GANC: variants seen among roughly 807,000 people sequenced by gnomAD.
GANC encodes the protein glucosidase alpha, neutral C.
In GANC, 117 loss-of-function variants were observed where a neutral mutation model predicts 124.2. The ratio of observed to expected loss-of-function variants is 0.94; its 90% CI spans 0.81 to 1.10. The LOEUF is 1.10. GANC is among the 50% of genes least tolerant of loss of function. GANC has a pLI of 0.00. For missense variants in GANC, 1,140 were observed against 1,095.0 expected (o/e 1.04, Z -0.58); for synonymous variants, 377 against 376.8 (o/e 1.00, Z -0.01).
In GANC at chr15:42,292,924, T is replaced by G. The variant is rs1566951131; in HGVS notation, c.512+7T>G. ...AGATTCTTCACAAACAAAGGTATTC[T>G]TATGCATTACTTGACACATAAAGAC... On this transcript the variant is annotated splice_region_variant and intron_variant, in intron 5 of 23. Coordinates refer to ENST00000318010, the MANE Select transcript of GANC (RefSeq NM_198141.3). 5 of 1,612,628 alleles carry G rather than the reference T, an allele frequency of 3.1e-6. No individual in the cohort carries two copies. The South Asian group carries it at 5.5e-5, about 18-fold the overall frequency.
chr15:42,343,202 C>T (rs755131487), intron 19 of GANC, 48 bp downstream of exon 19: 5 of 1,489,014 alleles, frequency 3.4e-6, no homozygotes, highest in African/African-American at 1.4e-5. Context: ...TATCTCTCAT[C>T]CCTTCTTTTC....
At chr15:42,277,761 C>T (rs375225615) in intron 2 of GANC, among the ~76,000 whole-genome samples, 7 of 151,248 alleles carry the variant, frequency 4.6e-5, no homozygotes, top group African/African-American at 2.4e-5. Flanking sequence ...CCACCACGCC[C>T]GGCTAATTTT....
At chr15:42,289,090 C>T (rs901595828) in intron 4 of GANC, among the ~76,000 whole-genome samples, 2 of 152,154 alleles carry the variant, frequency 1.3e-5, no homozygotes, top group Non-Finnish European at 2.9e-5. Context: ...GTACTGAGTT[C>T]TTTCTAGAGG....
At chr15:42,351,290 C>G (rs952013478) in intron 22 of GANC, 39 bp from the exon 23 acceptor site, 4 of 1,489,974 alleles carry the variant, frequency 2.7e-6, no homozygotes, top group Admixed American at 3.4e-5. Context: ...CTTCAAACCC[C>G]CATCCCTCTC....
chr15:42,287,605 A>G, intron 3 of GANC, 86 bp from the exon 4 acceptor site: 1 of 1,439,820 alleles, frequency 6.9e-7, no homozygotes, highest in Non-Finnish European at 9.4e-7. Flanking sequence ...AATTGAAACA[A>G]ATACTTTCCT....
chr15:42,285,669 C>T (rs2051780042), intron 3 of GANC, among the ~76,000 whole-genome samples: 1 of 152,126 alleles, frequency 6.6e-6, no homozygotes, highest in South Asian at 2.1e-4. Flanking sequence ...ATGGCACGCA[C>T]CTGTAATTCC....
At chr15:42,278,807 A>G (rs1441989729) in intron 3 of GANC, among the ~76,000 whole-genome samples, 1 of 152,188 alleles carries the variant, frequency 6.6e-6, no homozygotes, top group African/African-American at 2.4e-5. Context: ...CAGCCTGGGT[A>G]ACATGGCGAA....
chr15:42,276,925 T>G (rs1031603012), intron 2 of GANC, among the ~76,000 whole-genome samples: 1 of 152,202 alleles, frequency 6.6e-6, no homozygotes, highest in South Asian at 2.1e-4. Context: ...GAAATTCATA[T>G]GAGTGCATGG....
rs571402636 is a variant in GANC at position 42,291,521 on chromosome 15, A to AC, written c.330-1209dup. 2.6e-3 allele frequency among the ~76,000 whole-genome samples: 402 copies of AC among 152,006 alleles called. 1 individual carries two copies. The highest frequency in any genetic ancestry group is 9.4e-3 in the African/African-American group (389 of 41,480). ...TGTTCCCCACGAGAATCCAGAACATACCCCCTTCACTGAGAAACTGATGAG... is the reference window on the plus strand; with the variant it reads ...TGTTCCCCACGAGAATCCAGAACATACCCCCCTTCACTGAGAAACTGATGAG... On this transcript the variant is annotated intron_variant, in intron 4 of 23. Coordinates refer to ENST00000318010, the MANE Select transcript of GANC (RefSeq NM_198141.3).
At chr15:42,278,374 T>G (rs1256669868) in intron 2 of GANC, 108 bp from the exon 3 acceptor site, 2 of 704,926 alleles carry the variant, frequency 2.8e-6, no homozygotes, top group African/African-American at 3.5e-5. Context: ...GCCCTGAAAT[T>G]CACTGAATAT....
chr15:42,329,629 G>T, intron 14 of GANC, 180 bp downstream of exon 14: 1 of 461,280 alleles, frequency 2.2e-6, no homozygotes, highest in Non-Finnish European at 3.7e-6. Context: ...TTCTCCCTTT[G>T]CTTCTTTTCT....
intron 6 of GANC, among the ~76,000 whole-genome samples, chr15:42,305,683 G>A (rs931118930): frequency 2.0e-5 from 3 of 152,104 alleles, no homozygotes; most frequent in Non-Finnish European, 4.4e-5. Flanking sequence ...GCAAAGACTT[G>A]GAACCAACTC....
rs775435523 is a variant in GANC, at chr15:42,287,723, A to G, written c.234A>G (p.Glu78=). ...VPLLAEIYGI[E]GNIFRLKINE... Reference sequence around the variant, plus strand: ...TCCTGGCTGAAATTTATGGTATAGAAGGAAACATTTTCAGGCTTAAAATTA... The same window carrying G: ...TCCTGGCTGAAATTTATGGTATAGAGGGAAACATTTTCAGGCTTAAAATTA... The change falls in exon 4 of 24, where the codon GAA becomes GAG. Residue 78 remains glutamate (E), a synonymous_variant. Transcript: ENST00000318010. The G allele has an allele frequency of 3.7e-6, 6 of 1,613,044 alleles. No homozygotes were observed. In the East Asian group the frequency reaches 1.3e-4, roughly 36 times the overall value.
At chr15:42,289,882 G>A (rs909102912) in intron 4 of GANC, among the ~76,000 whole-genome samples, 1 of 152,152 alleles carries the variant, frequency 6.6e-6, no homozygotes, top group Admixed American at 6.5e-5. Flanking sequence ...ATACCTGGGT[G>A]CCCTTGTAAG....
At chr15:42,329,125 G>A (rs1444202810) in intron 13 of GANC, among the ~76,000 whole-genome samples, 181 bp from the exon 14 acceptor site, 1 of 152,154 alleles carries the variant, frequency 6.6e-6, no homozygotes, top group African/African-American at 2.4e-5. Context: ...CTAGATGTTT[G>A]GGATTTATTA....
At chr15:42,278,002 C>A (rs1041558865) in intron 2 of GANC, 2 of 353,412 alleles carry the variant, frequency 5.7e-6, no homozygotes, top group Non-Finnish European at 1.2e-5. Flanking sequence ...AGCTTTCTAA[C>A]ATATTCCCTC....
intron 10 of GANC, among the ~76,000 whole-genome samples, chr15:42,312,852 T>C (rs1406321917): frequency 2.0e-5 from 3 of 151,360 alleles, no homozygotes; most frequent in Non-Finnish European, 2.9e-5. Context: ...GAAGAATCGA[T>C]TGAACCCACA....
At chr15:42,283,668 G>T (rs1053361298) in intron 3 of GANC, 16 of 702,452 alleles carry the variant, frequency 2.3e-5, no homozygotes, top group Non-Finnish European at 4.2e-5. Flanking sequence ...GAGGATGCAG[G>T]AATATCTCTG....
In GANC at chr15:42,321,819, A is replaced by G. The variant is rs139144889; in HGVS notation, c.1092A>G (p.Gly364=). The G allele has an allele frequency of 4.5e-5, 73 of 1,614,196 alleles. No individual in the cohort carries two copies. The African/African-American group carries it at 8.8e-4, about 19-fold the overall frequency. Residue 364 remains glycine (G), a synonymous_variant, in exon 11 of 24, where the codon GGA becomes GGG. Coordinates refer to ENST00000318010, the MANE Select transcript of GANC (RefSeq NM_198141.3). ...TQAMPPLFSL[G]YHQCRWNYED... ...CCATGCCCCCTCTTTTCTCTTTGGG[A>G]TACCACCAGTGCCGCTGGAACTATG... is the stretch of plus-strand genomic sequence containing the variant.
Sources: gnomAD v4.1 joint callset for allele counts (sites outside exome capture counted in the v4.1 genomes callset) on GRCh38, gnomAD v4.1.1 for gene constraint, MANE v1.5 for transcripts, NCBI Gene and HGNC (gene_info 2026-07-23, HGNC 2026-07-21) for gene names.